Variants in GRID2 observed in about 807,000 individuals in gnomAD.
GRID2 encodes glutamate ionotropic receptor delta type subunit 2, also known as glutamate receptor ionotropic, delta-2.
A neutral mutation model predicts 114.8 loss-of-function variants in GRID2; 33 were observed. That is an observed-to-expected ratio of 0.29 (90% CI 0.22 to 0.38). GRID2 has a LOEUF of 0.38. Ranked by LOEUF, GRID2 falls within the 10% of genes least tolerant of loss-of-function variation. The pLI, the probability that GRID2 is intolerant of heterozygous loss-of-function variation, is 1.00. For synonymous variants in GRID2, 505 were observed against 449.9 expected, an observed-to-expected ratio of 1.12 and a Z score of -1.55; for missense variants, 1,184 against 1,257.7, an observed-to-expected ratio of 0.94 and a Z score of 0.89.
intron 2 of GRID2, among the ~76,000 whole-genome samples, chr4:92,740,687 AGAT>A (rs201372199): frequency 0.32 from 46,648 of 144,580 alleles, 7,493 homozygotes; most frequent in Middle Eastern, 0.49. Flanking sequence ...ATAGATAGAT[AGAT>A]GATAGATAGA....
chr4:93,116,431 T>G (rs1579034518), intron 4 of GRID2, among the ~76,000 whole-genome samples: 1 of 152,344 alleles, frequency 6.6e-6, no homozygotes, highest in East Asian at 1.9e-4. Context: ...AACAAAGTAT[T>G]AAGATATGAT....
At chr4:93,152,734 A>C (rs1736843383) in intron 4 of GRID2, among the ~76,000 whole-genome samples, 1 of 152,148 alleles carries the variant, frequency 6.6e-6, no homozygotes. Context: ...CAAAGCTAGC[A>C]GTAATAAAGT....
chr4:92,567,576 A>G (rs1727397732), intron 1 of GRID2, among the ~76,000 whole-genome samples: 1 of 152,038 alleles, frequency 6.6e-6, no homozygotes, highest in Non-Finnish European at 1.5e-5. Flanking sequence ...GGAAAATAGG[A>G]TGCTAGAGCT....
At chr4:93,149,473 G>A (rs1017133960) in intron 4 of GRID2, among the ~76,000 whole-genome samples, 2 of 151,826 alleles carry the variant, frequency 1.3e-5, no homozygotes, top group African/African-American at 4.8e-5. Context: ...CTACTTGGGA[G>A]GCTGAAGCAG....
chr4:93,697,821 A>G (rs1727152910), intron 14 of GRID2, among the ~76,000 whole-genome samples: 1 of 140,448 alleles, frequency 7.1e-6, no homozygotes, highest in Non-Finnish European at 1.5e-5. Flanking sequence ...AAGATATGTG[A>G]GATAATGCAT....
At chr4:92,886,712 G>T (rs1290272857) in intron 2 of GRID2, among the ~76,000 whole-genome samples, 2 of 152,076 alleles carry the variant, frequency 1.3e-5, no homozygotes, top group African/African-American at 4.8e-5. Flanking sequence ...TGCAAGCTCT[G>T]CCTCCCAGGT....
chr4:92,343,648 A>G (rs1247058940), intron 1 of GRID2, among the ~76,000 whole-genome samples: 1 of 151,062 alleles, frequency 6.6e-6, no homozygotes, highest in Non-Finnish European at 1.5e-5. Flanking sequence ...ATCTCGGCTC[A>G]CTGGAACCTC....
intron 13 of GRID2, among the ~76,000 whole-genome samples, chr4:93,548,199 G>T (rs1393278997): frequency 1.3e-5 from 2 of 151,844 alleles, no homozygotes; most frequent in African/African-American, 4.8e-5. Context: ...AGAAAAAAAG[G>T]AAAAAGCTCT....
At chr4:92,450,241 A>G (rs1720830504) in intron 1 of GRID2, among the ~76,000 whole-genome samples, 1 of 152,078 alleles carries the variant, frequency 6.6e-6, no homozygotes, top group South Asian at 2.1e-4. Flanking sequence ...GATGTATAAT[A>G]GGTGCAGAAT....
chr4:92,368,733 T>A (rs1273328973), intron 1 of GRID2, among the ~76,000 whole-genome samples: 1 of 152,068 alleles, frequency 6.6e-6, no homozygotes, highest in Non-Finnish European at 1.5e-5. Context: ...TGATTTAATG[T>A]TTCTAGCATG....
At chr4:92,698,856 C>A (rs1367043740) in intron 2 of GRID2, among the ~76,000 whole-genome samples, 1 of 151,662 alleles carries the variant, frequency 6.6e-6, no homozygotes, top group Non-Finnish European at 1.5e-5. Context: ...GAATATTGTC[C>A]CGACGCAAAA....
chr4:93,151,886 T>C (rs905820964), intron 4 of GRID2, among the ~76,000 whole-genome samples: 1 of 152,138 alleles, frequency 6.6e-6, no homozygotes, highest in African/African-American at 2.4e-5. Flanking sequence ...TGTCGTTGAG[T>C]TCTGAAATTC....
At chr4:93,676,727 A>G (rs1191419578) in intron 14 of GRID2, among the ~76,000 whole-genome samples, 1 of 150,772 alleles carries the variant, frequency 6.6e-6, no homozygotes, top group Non-Finnish European at 1.5e-5. Context: ...ATATAATAAT[A>G]ATGAAATTAA....
At chr4:93,347,196 T>C (rs982032811) in intron 8 of GRID2, among the ~76,000 whole-genome samples, 5 of 152,024 alleles carry the variant, frequency 3.3e-5, no homozygotes, top group Non-Finnish European at 5.9e-5. Flanking sequence ...ATTTATGTTG[T>C]ACTATTTCAG....
At chr4:92,401,420 A>G (rs1377985741) in intron 1 of GRID2, among the ~76,000 whole-genome samples, 2 of 152,170 alleles carry the variant, frequency 1.3e-5, no homozygotes, top group Non-Finnish European at 2.9e-5. Context: ...TAATTTATTT[A>G]GTTTTAACAC....
chr4:93,272,418 G>A (rs1751560925), intron 8 of GRID2, among the ~76,000 whole-genome samples: 1 of 152,216 alleles, frequency 6.6e-6, no homozygotes. Flanking sequence ...GAGCAGAAGG[G>A]CCAGAGGTGG....
intron 2 of GRID2, among the ~76,000 whole-genome samples, chr4:92,703,348 G>A (rs958895132): frequency 9.9e-5 from 15 of 151,984 alleles, no homozygotes. Flanking sequence ...AGTTCAAAGG[G>A]AAAGAACATA....
chr4:92,361,261 G>A (rs115424859), intron 1 of GRID2, among the ~76,000 whole-genome samples: 2,138 of 151,928 alleles, frequency 0.014, 56 homozygotes, highest in African/African-American at 0.049. Context: ...AACCTTCGCA[G>A]GTAAGTCATT....
chr4:93,353,401 C>T (rs1037441565), intron 8 of GRID2, among the ~76,000 whole-genome samples: 2 of 152,030 alleles, frequency 1.3e-5, no homozygotes, highest in Non-Finnish European at 1.5e-5. Flanking sequence ...TGAAAAATCA[C>T]ATTACAGAAA....
Sources: allele counts gnomAD v4.1 joint callset (sites outside exome capture counted in the v4.1 genomes callset), GRCh38; gene constraint gnomAD v4.1.1; transcripts MANE v1.5; gene names NCBI Gene and HGNC (gene_info 2026-07-23, HGNC 2026-07-21).